PRG2: variants seen among roughly 807,000 people sequenced by gnomAD.
The protein encoded by PRG2 is bone marrow proteoglycan.
PRG2 carries 23 observed loss-of-function variants against 24.7 expected under a neutral mutation model. That is an observed-to-expected ratio of 0.93 (90% CI 0.67 to 1.32). The LOEUF (loss-of-function observed/expected upper bound fraction) is 1.32, where lower values mean the gene tolerates loss of function less well. Ranked by LOEUF, PRG2 falls within the 40% of genes most tolerant of loss-of-function variation. The pLI is 0.00. For synonymous variants in PRG2, 104 were observed against 99.8 expected (o/e 1.04, Z -0.25); for missense variants, 271 against 280.9 (o/e 0.96, Z 0.25).
intron 1 of PRG2, 68 bp downstream of exon 1, chr11:57,390,528 G>C (rs1257357441): frequency 1.0e-6 from 1 of 955,000 alleles, no homozygotes; most frequent in African/African-American, 1.8e-5. Context: ...GAAACTGTCA[G>C]CCACAGCCAG....
In PRG2 at chr11:57,389,293, G is replaced by T; in HGVS notation, c.83C>A (p.Thr28Asn). The T allele has an allele frequency of 1.2e-6, 2 of 1,613,040 alleles. No homozygotes were observed. The highest frequency in any genetic ancestry group is 1.1e-5 in the South Asian group (1 of 91,076). ...HLRSETSTFE[T>N]PLGAKTLPED... Reference sequence around the variant, plus strand: ...AGGCAGCGTCTTAGCACCCAAAGGGGTCTCAAAGGTGGAAGTCTCAGACCC... The same window carrying T: ...AGGCAGCGTCTTAGCACCCAAAGGGTTCTCAAAGGTGGAAGTCTCAGACCC... Residue 28 changes from threonine to asparagine, a missense_variant, in exon 3 of 6, where the codon ACC (threonine) becomes AAC (asparagine). Coordinates refer to ENST00000311862, the MANE Select transcript of PRG2 (RefSeq NM_002728.6).
rs630396 is a variant in PRG2, at chr11:57,387,815, T to A, written c.549A>T (p.Ala183=). The change falls in exon 5 of 6, where the codon GCA becomes GCT. Residue 183 remains alanine, a synonymous_variant. Coordinates refer to ENST00000311862, the MANE Select transcript of PRG2 (RefSeq NM_002728.6). ...ACCAGGGCTGGTGAGCAGCCCAGTA[T>A]GCAAAGTTCCAGCGGCTGCCGTCAA... ...QWVDGSRWNF[A]YWAAHQPWSR... 1,800 of 1,588,704 alleles carry A rather than the reference T, an allele frequency of 1.1e-3. 17 individuals are homozygous for A. The African/African-American group carries it at 0.021, about 19-fold the overall frequency.
At chr11:57,390,174 G>A (rs1857130754) in intron 1 of PRG2, among the ~76,000 whole-genome samples, 1 of 152,186 alleles carries the variant, frequency 6.6e-6, no homozygotes, top group Admixed American at 6.5e-5. Flanking sequence ...CAAACCCTGA[G>A]GGGTGGCTGA....
chr11:57,387,377 C>T lies in PRG2; in HGVS notation c.*98G>A, dbSNP rs1857063639. On this transcript the variant is annotated 3_prime_UTR_variant, in exon 6 of 6. Transcript: ENST00000311862. ...GAAAATAAATCCATTTCAGTAAAAC[C>T]CATTTTATTGCAGGGAGGTGGAGGG... is the stretch of plus-strand genomic sequence containing the variant. 1 of 1,058,444 alleles carries T rather than the reference C, an allele frequency of 9.4e-7. No homozygotes were observed. Among genetic ancestry groups the T allele is most frequent in the Non-Finnish European group, 1.4e-6 (1 of 708,634 alleles). The allele number at this position is 1,058,444 out of a possible 1,614,324, so 65.6% of individuals were successfully genotyped here.
intron 1 of PRG2, 139 bp downstream of exon 1, chr11:57,390,457 G>A (rs989580027): frequency 1.6e-5 from 6 of 373,424 alleles, no homozygotes; most frequent in Non-Finnish European, 2.2e-5. Context: ...GAGGATGAAG[G>A]CTGCCCCTGC....
In PRG2 at chr11:57,387,241, T is replaced by C. The variant is rs553784099; in HGVS notation, c.*234A>G. On this transcript the variant is annotated 3_prime_UTR_variant, in exon 6 of 6. Transcript: ENST00000311862. The stretch of plus-strand genomic sequence containing the variant: ...GACCCAACTCCACCCTCCATCCTCC[T>C]CCTCAAGGAGTAGTAGCTTCTGACA... 3.6e-4 allele frequency: 171 copies of C among 476,818 alleles called. 2 individuals are homozygous for C. The South Asian group carries it at 5.0e-3, about 14-fold the overall frequency. The allele number at this position is 476,818 out of a possible 1,614,324, so 29.5% of individuals were successfully genotyped here. A position where few individuals can be genotyped will look rare whatever the true frequency, so the allele number is the denominator to read the frequency against.
chr11:57,388,529 G>A, intron 4 of PRG2, 48 bp downstream of exon 4: 2 of 1,605,870 alleles, frequency 1.2e-6, no homozygotes, highest in Non-Finnish European at 8.5e-7. Context: ...GCTGAGTGCT[G>A]GCTGAGATCA....
intron 4 of PRG2, among the ~76,000 whole-genome samples, chr11:57,388,217 C>A (rs1344308620): frequency 2.6e-5 from 4 of 151,754 alleles, no homozygotes; most frequent in East Asian, 1.9e-4. Context: ...TCTTGTTGCC[C>A]AGGCTGGAGT....
At chr11:57,389,471 G>C (rs1857117070) in intron 2 of PRG2, among the ~76,000 whole-genome samples, 154 bp from the exon 3 acceptor site, 1 of 152,218 alleles carries the variant, frequency 6.6e-6, no homozygotes, top group Non-Finnish European at 1.5e-5. Context: ...GGGAACCCAA[G>C]CTGCCTGACA....
chr11:57,387,235 T>C lies in PRG2; in HGVS notation c.*240A>G, dbSNP rs534583745. On this transcript the variant is annotated 3_prime_UTR_variant, in exon 6 of 6. Coordinates refer to ENST00000311862, the MANE Select transcript of PRG2 (RefSeq NM_002728.6). ...TCCATAGACCCAACTCCACCCTCCA[T>C]CCTCCTCCTCAAGGAGTAGTAGCTT... is the stretch of plus-strand genomic sequence containing the variant. 1.8e-4 allele frequency: 82 copies of C among 467,048 alleles called. No individual in the cohort carries two copies. The highest frequency in any genetic ancestry group is 1.6e-3 in the African/African-American group (79 of 50,158). The allele number at this position is 467,048 out of a possible 1,614,324, so 28.9% of individuals were successfully genotyped here. A position where few individuals can be genotyped will look rare whatever the true frequency, so the allele number is the denominator to read the frequency against.
intron 4 of PRG2, among the ~76,000 whole-genome samples, chr11:57,388,082 C>T (rs1408809486): frequency 1.3e-5 from 2 of 152,146 alleles, no homozygotes; most frequent in Admixed American, 6.5e-5. Context: ...TCCTTCCAGC[C>T]CTAACAAAAG....
At chr11:57,388,925 A>G in intron 3 of PRG2, 85 bp downstream of exon 3, 2 of 1,522,308 alleles carry the variant, frequency 1.3e-6, no homozygotes, top group Non-Finnish European at 8.8e-7. Context: ...CCTCAATGGG[A>G]AAAAGAGCCA....
intron 3 of PRG2, 56 bp from the exon 4 acceptor site, chr11:57,388,764 T>C (rs1857098268): frequency 6.3e-7 from 1 of 1,598,898 alleles, no homozygotes; most frequent in Admixed American, 1.7e-5. Flanking sequence ...TGAATTCACA[T>C]GGGTCTTGAG....
chr11:57,387,800 G>T lies in PRG2; in HGVS notation c.564C>A (p.His188Gln). 1 of 1,593,510 alleles carries T rather than the reference G, an allele frequency of 6.3e-7. No individual in the cohort carries two copies. The highest frequency in any genetic ancestry group is 8.5e-7 in the Non-Finnish European group (1 of 1,170,752). ...SRWNFAYWAAHQPWSRGGHCV... is the reference protein window; with the variant it reads ...SRWNFAYWAAQQPWSRGGHCV... ...AGTGACCACCGCGGGACCAGGGCTG[G>T]TGAGCAGCCCAGTATGCAAAGTTCC... The change falls in exon 5 of 6, where the codon CAC becomes CAA. Residue 188 changes from histidine (H) to glutamine (Q), a missense_variant. Physicochemically the swap from His to Gln is conservative, Grantham distance 24. Coordinates refer to ENST00000311862, the MANE Select transcript of PRG2 (RefSeq NM_002728.6).
In PRG2 at chr11:57,387,417, G is replaced by C. The variant is rs1273536067; in HGVS notation, c.*58C>G. ...GAGGTGGAGGGAGGGATGGCAAGCA[G>C]AGGAGGGGAGGCAGCTGCCCAGGAG... On this transcript the variant is annotated 3_prime_UTR_variant, in exon 6 of 6. Coordinates refer to ENST00000311862, the MANE Select transcript of PRG2 (RefSeq NM_002728.6). 6.8e-7 allele frequency: 1 copy of C among 1,463,328 alleles called. No homozygotes were observed. Among genetic ancestry groups the C allele is most frequent in the Non-Finnish European group, 9.4e-7 (1 of 1,060,940 alleles). The allele number at this position is 1,463,328 out of a possible 1,614,324, so 90.6% of individuals were successfully genotyped here. A position where few individuals can be genotyped will look rare whatever the true frequency, so the allele number is the denominator to read the frequency against.
chr11:57,387,340 G>A lies in PRG2; in HGVS notation c.*135C>T, dbSNP rs918330040. The A allele has an allele frequency of 4.2e-5, 32 of 756,312 alleles. No individual in the cohort carries two copies. Among genetic ancestry groups the A allele is most frequent in the Middle Eastern group, 3.5e-4 (1 of 2,818 alleles). 46.9% of individuals were successfully genotyped at this position (756,312 alleles called of 1,614,324 possible). On this transcript the variant is annotated 3_prime_UTR_variant, in exon 6 of 6. Coordinates refer to ENST00000311862, the MANE Select transcript of PRG2 (RefSeq NM_002728.6). Reference sequence around the variant, plus strand: ...AATGAGGGCTAAGCAGAGTGGATCCGCGATCAGAGGAGAAAATAAATCCAT... The same window carrying A: ...AATGAGGGCTAAGCAGAGTGGATCCACGATCAGAGGAGAAAATAAATCCAT...
intron 3 of PRG2, 148 bp downstream of exon 3, chr11:57,388,862 C>G: frequency 7.1e-7 from 1 of 1,418,328 alleles, no homozygotes; most frequent in South Asian, 1.4e-5. Flanking sequence ...GTGGCCCTCC[C>G]CTCTTACCCC....
In PRG2 at chr11:57,387,178, T is replaced by A. The variant is rs1268374062; in HGVS notation, c.*297A>T. On this transcript the variant is annotated 3_prime_UTR_variant, in exon 6 of 6. Coordinates refer to ENST00000311862, the MANE Select transcript of PRG2 (RefSeq NM_002728.6). ...TAATCAGGTGTTCTATGAAGAGAAC[T>A]AGCTGAGCCCATTCCTCCATCTCCA... 1 of 320,572 alleles carries A rather than the reference T, an allele frequency of 3.1e-6. No individual in the cohort carries two copies. Among genetic ancestry groups the A allele is most frequent in the Non-Finnish European group, 5.7e-6 (1 of 175,226 alleles). 19.9% of individuals were successfully genotyped at this position (320,572 alleles called of 1,614,324 possible).
At chr11:57,388,347 G>A (rs1857088126) in intron 4 of PRG2, among the ~76,000 whole-genome samples, 1 of 151,962 alleles carries the variant, frequency 6.6e-6, no homozygotes. Context: ...GCTAACTTAA[G>A]TTACATAGAT....
Sources: allele counts gnomAD v4.1 joint callset (sites outside exome capture counted in the v4.1 genomes callset), GRCh38; gene constraint gnomAD v4.1.1; transcripts MANE v1.5; gene names NCBI Gene and HGNC (gene_info 2026-07-23, HGNC 2026-07-21).